The following ELN variants were observed in gnomAD, a reference collection of about 807,000 sequenced individuals.
The protein encoded by ELN is tropoelastin.
In ELN, 65 loss-of-function variants were observed where a neutral mutation model predicts 105.8. The ratio of observed to expected loss-of-function variants is 0.61; its 90% CI spans 0.50 to 0.75. ELN has a LOEUF of 0.75. ELN is among the 30% of genes least tolerant of loss of function. ELN has a pLI of 0.00. For missense variants in ELN, 882 were observed against 969.4 expected (o/e 0.91, Z 1.20); for synonymous variants, 368 against 389.2 (o/e 0.95, Z 0.64).
chr7:74,033,108 G>T (rs1554663419), intron 1 of ELN, among the ~76,000 whole-genome samples: 1 of 152,252 alleles, frequency 6.6e-6, no homozygotes, highest in African/African-American at 2.4e-5. Flanking sequence ...ACAACCAAGT[G>T]ATTATCTGCC....
chr7:74,034,766 C>T (rs1265404974), intron 1 of ELN, among the ~76,000 whole-genome samples: 1 of 152,044 alleles, frequency 6.6e-6, no homozygotes, highest in African/African-American at 2.4e-5. Flanking sequence ...TGTGTGGCCC[C>T]AGGCATGTCC....
At chr7:74,058,834 G>A (rs1795959549) in intron 22 of ELN, among the ~76,000 whole-genome samples, 1 of 152,222 alleles carries the variant, frequency 6.6e-6, no homozygotes, top group African/African-American at 2.4e-5. Context: ...TGGGCTGAAA[G>A]GTTCAGATCA....
At chr7:74,037,794 G>A in intron 4 of ELN, 55 bp downstream of exon 4, 1 of 1,595,062 alleles carries the variant, frequency 6.3e-7, no homozygotes, top group Non-Finnish European at 8.5e-7. Context: ...GGGGAGGGAG[G>A]AGCCTACCCA....
At chr7:74,059,188 G>A (rs1554682333) in intron 22 of ELN, among the ~76,000 whole-genome samples, 1 of 152,146 alleles carries the variant, frequency 6.6e-6, no homozygotes, top group East Asian at 1.9e-4. Context: ...ATCTTACAGA[G>A]TTGATTTTAT....
intron 21 of ELN, among the ~76,000 whole-genome samples, chr7:74,057,059 G>A (rs1354107726): frequency 6.6e-6 from 1 of 152,106 alleles, no homozygotes; most frequent in Non-Finnish European, 1.5e-5. Flanking sequence ...CCAATATGGT[G>A]AAATGCTGTC....
Position 74,063,401 on chromosome 7 carries a change from C to A in ELN, c.1918+32C>A. 1 of 1,543,354 alleles carries A rather than the reference C, an allele frequency of 6.5e-7. No homozygotes were observed. On this transcript the variant is annotated intron_variant, in intron 28 of 32. Transcript: ENST00000252034. The surrounding 1 kb of genome is among the most constrained non-coding windows in gnomAD (Gnocchi z 4.1). Reference sequence around the variant, plus strand: ...ACTGGGTGGAGGTGGGAGCTGCCGCCAGGCCCCCAGGCCCCCAGGGTGTGG... The same window carrying A: ...ACTGGGTGGAGGTGGGAGCTGCCGCAAGGCCCCCAGGCCCCCAGGGTGTGG...
In ELN at chr7:74,053,320, CTGTGTGTGTGTGTGTGTGTG is replaced by C. The variant is rs10579871; in HGVS notation, c.1096+31_1096+50del. On this transcript the variant is annotated intron_variant, in intron 18 of 32. Transcript: ENST00000252034. ...GTGCTGCGGTTCCAGGTGAGCTGGGCTGTGTGTGTGTGTGTGTGTGTGTGTGTGTGTGTGTGTGTATTAGA... is the reference window on the plus strand; with the variant it reads ...GTGCTGCGGTTCCAGGTGAGCTGGGCTGTGTGTGTGTGTGTGTGTATTAGA... 5 of 1,562,758 alleles carry C rather than the reference CTGTGTGTGTGTGTGTGTGTG, an allele frequency of 3.2e-6. No homozygotes were observed. Among genetic ancestry groups the C allele is most frequent in the East Asian group, 2.3e-5 (1 of 42,618 alleles).
chr7:74,063,130 C>A lies in ELN; in HGVS notation c.1787-23C>A, dbSNP rs1554685936. ...ACCCATCGTTCAGAAATGGAACACT[C>A]ATTTTCCCTCCTCTCCCCGCAGGAG... On this transcript the variant is annotated intron_variant, in intron 26 of 32. Transcript: ENST00000252034. The surrounding 1 kb of genome is among the most constrained non-coding windows in gnomAD (Gnocchi z 4.1). 1.3e-6 allele frequency: 2 copies of A among 1,592,918 alleles called. No homozygotes were observed. Among genetic ancestry groups the A allele is most frequent in the Admixed American group, 3.6e-5 (2 of 55,894 alleles).
Position 74,060,195 on chromosome 7 carries a change from C to T in ELN, c.1621+11C>T, listed in dbSNP as rs368141923. 7.4e-5 allele frequency: 119 copies of T among 1,613,938 alleles called. 2 individuals carry two copies. The highest frequency in any genetic ancestry group is 2.0e-4 in the South Asian group (18 of 91,088). ...CCAAAGCCCAGCTCCGTGAGTGCCT[C>T]GCCCACCTTTCTCTCCTCTCCCCAA... On this transcript the variant is annotated intron_variant, in intron 24 of 32. Transcript: ENST00000252034.
chr7:74,043,821 G>T (rs1554670338), intron 8 of ELN, 58 bp from the exon 9 acceptor site: 1 of 1,605,916 alleles, frequency 6.2e-7, no homozygotes, highest in African/African-American at 1.3e-5. Flanking sequence ...GGAAGGGCTG[G>T]GGAGGGGTCC....
In ELN at chr7:74,043,531, T is replaced by C. The variant is rs1193538824; in HGVS notation, c.428-348T>C. 8.9e-6 allele frequency: 6 copies of C among 674,488 alleles called. No homozygotes were observed. The African/African-American group carries it at 1.1e-4, about 12-fold the overall frequency. The allele number at this position is 674,488 out of a possible 1,614,324, so 41.8% of individuals were successfully genotyped here. ...CTCTGACTCCCCATCTGGTACTCGT[T>C]CTGCCCCACCAAGCCCTTTAGGAAG... On this transcript the variant is annotated intron_variant, in intron 8 of 32. Transcript: ENST00000252034.
At position 74,069,769 on chromosome 7, in the gene ELN, C is replaced by A. The variant is rs1167439331; in HGVS notation, c.*1069C>A. 1.1e-4 allele frequency: 24 copies of A among 223,970 alleles called. No individual in the cohort carries two copies. Among genetic ancestry groups the A allele is most frequent in the Non-Finnish European group, 3.5e-5 (4 of 112,912 alleles). The allele number at this position is 223,970 out of a possible 1,614,324, so 13.9% of individuals were successfully genotyped here. On this transcript the variant is annotated 3_prime_UTR_variant, in exon 33 of 33. Transcript: ENST00000252034. ...AAAAAGATAATTTTTTTTTCTGATC[C>A]GGGGAGCTGTATCCCCAGTAGAAAA...
At chr7:74,028,864 G>T (rs1167139843) in intron 1 of ELN, among the ~76,000 whole-genome samples, 2 of 149,740 alleles carry the variant, frequency 1.3e-5, no homozygotes, top group Non-Finnish European at 3.0e-5. Flanking sequence ...GTATGCATTT[G>T]TGTGTGTGTG....
intron 1 of ELN, among the ~76,000 whole-genome samples, chr7:74,034,591 G>A (rs550215429): frequency 5.9e-4 from 90 of 152,334 alleles, no homozygotes; most frequent in African/African-American, 2.2e-3. Flanking sequence ...TGTAGTCCCA[G>A]CTACTTGGGA....
chr7:74,050,391 GTCCA>G lies in ELN; in HGVS notation c.800-1332_800-1329del, dbSNP rs369449509. On this transcript the variant is annotated intron_variant, in intron 15 of 32. Transcript: ENST00000252034. ...CATCCATTTACCCATCCATCCACTCGTCCATCCATCCATCCATCCATCCATCCAT... is the reference window on the plus strand; with the variant it reads ...CATCCATTTACCCATCCATCCACTCGTCCATCCATCCATCCATCCATCCAT... Among the ~76,000 whole-genome samples, 699 of 94,436 alleles carry G rather than the reference GTCCA, an allele frequency of 7.4e-3. 19 individuals carry two copies. The highest frequency in any genetic ancestry group is 0.059 in the Admixed American group (593 of 10,096). 62.0% of individuals were successfully genotyped at this position (94,436 alleles called of 152,430 possible).
chr7:74,048,272 G>T, intron 14 of ELN, 71 bp downstream of exon 14: 1 of 1,605,672 alleles, frequency 6.2e-7, no homozygotes, highest in Non-Finnish European at 8.5e-7. Flanking sequence ...CCTGGGGTGG[G>T]TGAGGTTCCC....
chr7:74,039,332 G>C (rs551880331), intron 4 of ELN, among the ~76,000 whole-genome samples: 1 of 152,214 alleles, frequency 6.6e-6, no homozygotes, highest in Admixed American at 6.5e-5. Flanking sequence ...AAAAAGGGCA[G>C]TGTTTCCAGG....
intron 22 of ELN, chr7:74,059,544 C>T: frequency 2.4e-6 from 1 of 417,570 alleles, no homozygotes; most frequent in South Asian, 2.4e-5. Flanking sequence ...ATTAGCCGGG[C>T]ATGGTGGTGC....
intron 29 of ELN, among the ~76,000 whole-genome samples, chr7:74,064,144 C>T (rs1226220837): frequency 6.7e-6 from 1 of 149,102 alleles, no homozygotes; most frequent in African/African-American, 2.5e-5. Flanking sequence ...AGAGGCCAGG[C>T]ATGGTGGCTC....
Sources: allele counts gnomAD v4.1 joint callset (sites outside exome capture counted in the v4.1 genomes callset), GRCh38; gene constraint gnomAD v4.1.1; non-coding constraint Gnocchi (gnomAD v3.1); transcripts MANE v1.5; gene names NCBI Gene and HGNC (gene_info 2026-07-23, HGNC 2026-07-21).